The following ZNF516 variants were observed in gnomAD, a reference collection of about 807,000 sequenced individuals.
The protein encoded by ZNF516 is zinc finger protein 516.
A neutral mutation model predicts 79.7 loss-of-function variants in ZNF516; 19 were observed. The ratio of observed to expected loss-of-function variants is 0.24; its 90% confidence interval spans 0.17 to 0.35. The LOEUF is 0.35. Ranked by LOEUF, ZNF516 falls within the 10% of genes least tolerant of loss-of-function variation. The pLI is 1.00. For missense variants in ZNF516, 1,678 were observed against 1,679.5 expected, an observed-to-expected ratio of 1.00 and a Z score of 0.02; for synonymous variants, 877 against 739.5, an observed-to-expected ratio of 1.19 and a Z score of -3.02.
intron 3 of ZNF516, among the ~76,000 whole-genome samples, chr18:76,398,469 G>A (rs1361031598): frequency 6.6e-6 from 1 of 152,156 alleles, no homozygotes; most frequent in East Asian, 1.9e-4. Context: ...CACAAAGGCC[G>A]TACATGAAGT....
intron 4 of ZNF516, chr18:76,372,663 C>T (rs2074726059): frequency 6.6e-6 from 1 of 152,192 alleles, no homozygotes; most frequent in African/African-American, 2.4e-5. Context: ...AACATAAAAT[C>T]ATGCTTACAC....
upstream of ZNF516, chr18:76,496,401 CG>C (rs958357254): frequency 1.8e-5 from 23 of 1,289,554 alleles, no homozygotes; most frequent in Non-Finnish European, 2.2e-5. Context: ...GTTACCTCAG[CG>C]GCGGCGTCTC....
intron 2 of ZNF516, among the ~76,000 whole-genome samples, chr18:76,447,934 C>T (rs1201045236): frequency 1.3e-5 from 2 of 152,004 alleles, no homozygotes; most frequent in Admixed American, 1.3e-4. Context: ...GAGATGTAAT[C>T]AACAGTTCAA....
intron 6 of ZNF516, among the ~76,000 whole-genome samples, chr18:76,370,087 T>C (rs1004663045): frequency 2.6e-5 from 4 of 152,214 alleles, no homozygotes; most frequent in Admixed American, 2.0e-4. Flanking sequence ...GTGTTCGTAA[T>C]GCAGAGAAAC....
intron 3 of ZNF516, among the ~76,000 whole-genome samples, chr18:76,412,295 G>A (rs1056962964): frequency 5.9e-5 from 9 of 152,232 alleles, no homozygotes; most frequent in Non-Finnish European, 1.0e-4. Flanking sequence ...TTCCTCACTG[G>A]GGACAGAGGG....
At chr18:76,466,701 G>A (rs1292975973) in intron 1 of ZNF516, among the ~76,000 whole-genome samples, 1 of 152,232 alleles carries the variant, frequency 6.6e-6, no homozygotes, top group African/African-American at 2.4e-5. Context: ...TGTGAGGCAA[G>A]ACACCCAGTG....
intron 3 of ZNF516, among the ~76,000 whole-genome samples, chr18:76,403,337 C>A (rs1266538559): frequency 6.6e-6 from 1 of 152,188 alleles, no homozygotes; most frequent in South Asian, 2.1e-4. Context: ...CACACAGGCA[C>A]GCTGCAACGC....
intron 2 of ZNF516, among the ~76,000 whole-genome samples, chr18:76,454,820 CAA>C (rs1293613783): frequency 1.3e-5 from 2 of 152,180 alleles, no homozygotes; most frequent in Non-Finnish European, 2.9e-5. Flanking sequence ...CTCCCTGTAA[CAA>C]TGTTGTTACA....
At position 76,467,074 on chromosome 18, in the gene ZNF516, G is replaced by A. The variant is rs964668431; in HGVS notation, c.-271-3933C>T. 3.3e-5 allele frequency among the ~76,000 whole-genome samples: 5 copies of A among 152,250 alleles called. No homozygotes were observed. Among genetic ancestry groups the A allele is most frequent in the Admixed American group, 2.6e-4 (4 of 15,300 alleles). On this transcript the variant is annotated intron_variant, in intron 1 of 6. Coordinates refer to ENST00000443185, the MANE Select transcript of ZNF516 (RefSeq NM_014643.4). This position sits in a 1 kb window ranked among gnomAD's most constrained non-coding sequence, Gnocchi z 4.2. ...GAAGTAAAATCAGGCAGAGGCAGCCGTGGCCTCGCTGAACCTGCAGCTGAC... is the reference window on the plus strand; with the variant it reads ...GAAGTAAAATCAGGCAGAGGCAGCCATGGCCTCGCTGAACCTGCAGCTGAC...
intron 3 of ZNF516, among the ~76,000 whole-genome samples, chr18:76,419,143 C>T (rs1400731964): frequency 6.6e-6 from 1 of 152,222 alleles, no homozygotes; most frequent in African/African-American, 2.4e-5. Context: ...TGGGTTACAT[C>T]CCCACTTTCT....
At chr18:76,386,068 T>C (rs2074987337) in intron 3 of ZNF516, 1 of 152,248 alleles carries the variant, frequency 6.6e-6, no homozygotes, top group African/African-American at 2.4e-5. Flanking sequence ...CCCTCTATAT[T>C]GGGCTTCGTA....
chr18:76,476,056 G>C (rs1914155126), intron 1 of ZNF516, among the ~76,000 whole-genome samples: 1 of 152,174 alleles, frequency 6.6e-6, no homozygotes, highest in Non-Finnish European at 1.5e-5. Context: ...CGATGGCCAA[G>C]ATGATGAAGA....
chr18:76,432,124 G>A (rs746733641), intron 3 of ZNF516, among the ~76,000 whole-genome samples: 5 of 152,240 alleles, frequency 3.3e-5, no homozygotes, highest in Non-Finnish European at 7.3e-5. Context: ...GACAGGCTTT[G>A]GGATCTATCT....
intron 4 of ZNF516, among the ~76,000 whole-genome samples, chr18:76,374,528 G>T: frequency 6.6e-6 from 1 of 152,094 alleles, no homozygotes; most frequent in Non-Finnish European, 1.5e-5. Context: ...GTGGGGGCGG[G>T]GAAGTCTTTG....
intron 2 of ZNF516, among the ~76,000 whole-genome samples, chr18:76,454,439 C>A (rs550003079): frequency 1.3e-5 from 2 of 152,310 alleles, no homozygotes; most frequent in East Asian, 1.9e-4. Flanking sequence ...AAGGACAAAT[C>A]TTTCCCAAAT....
intron 1 of ZNF516, among the ~76,000 whole-genome samples, chr18:76,485,727 A>C (rs1234861242): frequency 6.6e-6 from 1 of 152,064 alleles, no homozygotes; most frequent in Non-Finnish European, 1.5e-5. Context: ...CTACCCAAAA[A>C]CCCAAACCAG....
intron 1 of ZNF516, among the ~76,000 whole-genome samples, chr18:76,488,614 T>C (rs992224901): frequency 6.6e-6 from 1 of 152,174 alleles, no homozygotes; most frequent in Non-Finnish European, 1.5e-5. Context: ...AGCACTAAAA[T>C]GTATAAACAT....
intron 1 of ZNF516, among the ~76,000 whole-genome samples, chr18:76,476,473 C>CA (rs1194471887): frequency 2.6e-5 from 4 of 152,164 alleles, no homozygotes; most frequent in African/African-American, 4.8e-5. Flanking sequence ...CACTTCCCAG[C>CA]AAAAAAAGTG....
chr18:76,431,283 A>G (rs1466746384), intron 3 of ZNF516, among the ~76,000 whole-genome samples: 2 of 152,186 alleles, frequency 1.3e-5, no homozygotes, highest in East Asian at 3.8e-4. Flanking sequence ...ACACTTATCA[A>G]ATAAAACTTA....
Sources: gnomAD v4.1 joint callset for allele counts (sites outside exome capture counted in the v4.1 genomes callset) on GRCh38, gnomAD v4.1.1 for gene constraint, Gnocchi (gnomAD v3.1) non-coding constraint, MANE v1.5 for transcripts, NCBI Gene and HGNC (gene_info 2026-07-23, HGNC 2026-07-21) for gene names.